Variants in FUBP1 observed in about 807,000 individuals in gnomAD.
The protein encoded by FUBP1 is far upstream element binding protein 1, also known as far upstream element-binding protein 1.
In FUBP1, 16 loss-of-function variants were observed where a neutral mutation model predicts 94.9. The observed-to-expected ratio is 0.17, with a 90% CI of 0.11 to 0.26. The LOEUF is 0.26. Among genes scored for constraint, FUBP1 ranks in the 10% least tolerant of loss-of-function variants. The pLI is 1.00. For missense variants in FUBP1, 583 were observed against 808.6 expected, an observed-to-expected ratio of 0.72 and a Z score of 3.38; for synonymous variants, 279 against 254.9, an observed-to-expected ratio of 1.09 and a Z score of -0.90.
chr1:77,973,954 G>C (rs1242890569), intron 1 of FUBP1, among the ~76,000 whole-genome samples: 1 of 151,922 alleles, frequency 6.6e-6, no homozygotes, highest in Non-Finnish European at 1.5e-5. Flanking sequence ...GACAGGGTCA[G>C]GCTGTTGCCC....
At chr1:77,966,572 CT>C in intron 7 of FUBP1, 121 bp downstream of exon 7, 1 of 650,138 alleles carries the variant, frequency 1.5e-6, no homozygotes, top group Non-Finnish European at 2.8e-6. Context: ...AGTTGGAGGA[CT>C]TTGAGGGAAG....
chr1:77,949,087 C>T, intron 19 of FUBP1, 68 bp downstream of exon 19: 1 of 1,422,548 alleles, frequency 7.0e-7, no homozygotes, highest in Non-Finnish European at 9.9e-7. Context: ...CACTCCCAAA[C>T]AGACAAACAG....
chr1:77,963,740 GA>G (rs1557447198), intron 12 of FUBP1, 25 bp from the exon 13 acceptor site: 3 of 1,574,726 alleles, frequency 1.9e-6, no homozygotes, highest in Non-Finnish European at 2.6e-6. Context: ...AGACAAGAAC[GA>G]AGAGTCAGCA....
intron 1 of FUBP1, among the ~76,000 whole-genome samples, chr1:77,970,649 G>A (rs530944845): frequency 6.6e-6 from 1 of 152,064 alleles, no homozygotes; most frequent in Non-Finnish European, 1.5e-5. Context: ...CAGGGAGCTC[G>A]AGTCTTAAAA....
intron 1 of FUBP1, 136 bp downstream of exon 1, chr1:77,978,749 G>T: frequency 9.1e-7 from 1 of 1,103,900 alleles, no homozygotes; most frequent in Non-Finnish European, 1.3e-6. Context: ...ACCAACATGG[G>T]GAAACGTGTC....
chr1:77,948,053 C>T lies in FUBP1; in HGVS notation c.*713G>A. ...ATCAAATTAAGAACAGAAAGGTTAA[C>T]TGTTATAGCAGCAGTACAGGTCTGA... On this transcript the variant is annotated 3_prime_UTR_variant, in exon 20 of 20. Coordinates refer to ENST00000370768, the MANE Select transcript of FUBP1 (RefSeq NM_003902.5). 1 of 1,032,840 alleles carries T rather than the reference C, an allele frequency of 9.7e-7. No individual in the cohort carries two copies. The highest frequency in any genetic ancestry group is 1.2e-6 in the Non-Finnish European group (1 of 854,250). 64.0% of individuals were successfully genotyped at this position (1,032,840 alleles called of 1,614,324 possible). A position where few individuals can be genotyped will look rare whatever the true frequency, so the allele number is the denominator to read the frequency against.
rs1036716998 is a variant in FUBP1, at chr1:77,946,146, ATTG to A, written c.*2617_*2619del. Among the ~76,000 whole-genome samples the A allele has an allele frequency of 6.6e-5, 10 of 151,976 alleles. No individual in the cohort carries two copies. The highest frequency in any genetic ancestry group is 1.2e-4 in the Non-Finnish European group (8 of 67,908). ...ATTTTCTGTCCATCATATAAAACAG[ATTG>A]TGAAGGCTGTTGAAGTTTCTAAACA... On this transcript the variant is annotated 3_prime_UTR_variant, in exon 20 of 20. Transcript: ENST00000370768.
At chr1:77,949,897 C>T (rs947096043) in intron 18 of FUBP1, among the ~76,000 whole-genome samples, 1 of 152,218 alleles carries the variant, frequency 6.6e-6, no homozygotes, top group East Asian at 1.9e-4. Flanking sequence ...ATAATTTATT[C>T]CAATTACAAC....
intron 18 of FUBP1, among the ~76,000 whole-genome samples, chr1:77,951,028 C>T (rs143719763): frequency 1.8e-3 from 277 of 152,258 alleles, no homozygotes; most frequent in African/African-American, 6.5e-3. Flanking sequence ...TTTCCTCTTA[C>T]AAGACACAAT....
chr1:77,952,780 C>T (rs894993496), intron 18 of FUBP1, among the ~76,000 whole-genome samples: 8 of 152,146 alleles, frequency 5.3e-5, no homozygotes, highest in Admixed American at 1.3e-4. Flanking sequence ...AAATTGACTC[C>T]GTATGATGAT....
chr1:77,979,200 AAG>A (rs1328179487), upstream of FUBP1: 1 of 586,434 alleles, frequency 1.7e-6, no homozygotes, highest in East Asian at 2.8e-5. Flanking sequence ...AGGGCTGAGA[AAG>A]AACGACAGGA....
intron 1 of FUBP1, among the ~76,000 whole-genome samples, chr1:77,976,462 A>G (rs1658610401): frequency 6.6e-6 from 1 of 152,240 alleles, no homozygotes; most frequent in Admixed American, 6.5e-5. Context: ...TTTAAGAAGT[A>G]TAAAGAAATT....
chr1:77,956,091 C>CA (rs1210790198), intron 17 of FUBP1, among the ~76,000 whole-genome samples: 1 of 152,014 alleles, frequency 6.6e-6, no homozygotes, highest in Non-Finnish European at 1.5e-5. Context: ...TAACCTACTG[C>CA]AAAAATCAGA....
chr1:77,964,235 G>A lies in FUBP1; in HGVS notation c.940+19C>T, dbSNP rs2102394334. The A allele has an allele frequency of 2.6e-6, 4 of 1,561,238 alleles. No individual in the cohort carries two copies. Among genetic ancestry groups the A allele is most frequent in the Non-Finnish European group, 3.5e-6 (4 of 1,132,464 alleles). Reference sequence around the variant, plus strand: ...AACTCACTGCTGCCAACACTTACAAGATTATTATATGTACTCACCTGGCTT... The same window carrying A: ...AACTCACTGCTGCCAACACTTACAAAATTATTATATGTACTCACCTGGCTT... On this transcript the variant is annotated intron_variant, in intron 11 of 19. Transcript: ENST00000370768.
At chr1:77,972,524 G>T (rs1453694203) in intron 1 of FUBP1, among the ~76,000 whole-genome samples, 5 of 151,422 alleles carry the variant, frequency 3.3e-5, no homozygotes, top group Admixed American at 6.6e-5. Context: ...GCAGGGCGGG[G>T]GGGATCATGA....
At chr1:77,964,556 CAAT>C in intron 10 of FUBP1, 87 bp downstream of exon 10, 2 of 790,970 alleles carry the variant, frequency 2.5e-6, no homozygotes, top group Non-Finnish European at 2.2e-6. Flanking sequence ...AAAAGGATAA[CAAT>C]GTTAGAGCTA....
In FUBP1 at chr1:77,979,014, A is replaced by T; in HGVS notation, c.-10T>A. On this transcript the variant is annotated 5_prime_UTR_variant, in exon 1 of 20. Transcript: ENST00000370768. ...TTGAATAGTCTGCCATGGTTGCACT[A>T]TAAGAGCCGCTGCCGCCTGTTCAGA... 1.2e-6 allele frequency: 2 copies of T among 1,603,846 alleles called. No individual in the cohort carries two copies. The highest frequency in any genetic ancestry group is 1.7e-5 in the Admixed American group (1 of 59,126).
At chr1:77,950,740 A>T (rs958943616) in intron 18 of FUBP1, among the ~76,000 whole-genome samples, 1 of 152,206 alleles carries the variant, frequency 6.6e-6, no homozygotes, top group Non-Finnish European at 1.5e-5. Flanking sequence ...AGACAAAAAT[A>T]CTGGAGCATG....
intron 4 of FUBP1, 44 bp from the exon 5 acceptor site, chr1:77,967,145 C>T (rs933901504): frequency 8.2e-7 from 1 of 1,218,750 alleles, no homozygotes; most frequent in Non-Finnish European, 1.2e-6. Context: ...ATGAAAGATA[C>T]TTTGTTTACA....
Sources: gnomAD v4.1 joint callset for allele counts (sites outside exome capture counted in the v4.1 genomes callset) on GRCh38, gnomAD v4.1.1 for gene constraint, MANE v1.5 for transcripts, NCBI Gene and HGNC (gene_info 2026-07-23, HGNC 2026-07-21) for gene names.